SLC19A1: variants seen among roughly 807,000 people sequenced by gnomAD.
The protein encoded by SLC19A1 is solute carrier family 19 member 1, also known as reduced folate transporter.
A neutral mutation model predicts 35.3 loss-of-function variants in SLC19A1; 37 were observed. That is an observed-to-expected ratio of 1.05 (90% CI 0.81 to 1.38). The LOEUF (loss-of-function observed/expected upper bound fraction) is 1.38. SLC19A1 is among the 40% of genes most tolerant of loss of function. SLC19A1 has a pLI of 0.00. For synonymous variants in SLC19A1, 460 were observed against 398.5 expected, an observed-to-expected ratio of 1.15 and a Z score of -1.84; for missense variants, 831 against 826.9, an observed-to-expected ratio of 1.00 and a Z score of -0.06.
chr21:45,525,667 T>C, intron 5 of SLC19A1, 150 bp downstream of exon 5: 1 of 791,290 alleles, frequency 1.3e-6, no homozygotes, highest in Non-Finnish European at 2.0e-6. Context: ...CTGCTCTCGC[T>C]GGCCTGGTGT....
downstream of SLC19A1, among the ~76,000 whole-genome samples, chr21:45,510,785 C>A (rs1172065201): frequency 6.6e-6 from 1 of 152,138 alleles, no homozygotes; most frequent in African/African-American, 2.4e-5. Context: ...GGGCTGGGAG[C>A]AGGCGGCTGT....
chr21:45,510,916 G>T (rs2037538738), downstream of SLC19A1, among the ~76,000 whole-genome samples: 1 of 149,334 alleles, frequency 6.7e-6, no homozygotes, highest in Non-Finnish European at 1.5e-5. Flanking sequence ...CCCAGGGGCT[G>T]CAGAACCCCA....
At chr21:45,518,200 A>G (rs571937369) in intron 5 of SLC19A1, among the ~76,000 whole-genome samples, 5 of 152,340 alleles carry the variant, frequency 3.3e-5, no homozygotes, top group African/African-American at 9.6e-5. Context: ...TAGAACTGAA[A>G]TGTACAATAA....
chr21:45,555,779 G>C (rs919689652), intron 1 of SLC19A1, among the ~76,000 whole-genome samples: 1 of 152,100 alleles, frequency 6.6e-6, no homozygotes, highest in African/African-American at 2.4e-5. Context: ...TTCCGCGCCA[G>C]CCGAGGGGCC....
chr21:45,547,096 ATTGGAAGACAGAAT>A (rs1315944839), upstream of SLC19A1, among the ~76,000 whole-genome samples: 1 of 152,256 alleles, frequency 6.6e-6, no homozygotes, highest in African/African-American at 2.4e-5. Context: ...GCAACAAATA[ATTGGAAGACAGAAT>A]TTGAAAAACA....
At position 45,513,681 on chromosome 21, in the gene SLC19A1, C is replaced by T. The variant is rs2037740219; in HGVS notation, c.*1977G>A. The stretch of plus-strand genomic sequence containing the variant: ...TTCTGTAATTGTGTGTGATGTGAAG[C>T]CAATTCAGACAGGCAAATAAAAGTG... On this transcript the variant is annotated 3_prime_UTR_variant, in exon 6 of 6. Coordinates refer to ENST00000311124, the MANE Select transcript of SLC19A1 (RefSeq NM_194255.4). 1 of 152,228 alleles carries T rather than the reference C, an allele frequency of 6.6e-6. No homozygotes were observed. The highest frequency in any genetic ancestry group is 6.5e-5 in the Admixed American group (1 of 15,288). The allele number at this position is 152,228 out of a possible 1,614,324, so 9.4% of individuals were successfully genotyped here. A position where few individuals can be genotyped will look rare whatever the true frequency, so the allele number is the denominator to read the frequency against.
intron 3 of SLC19A1, chr21:45,505,953 T>C: frequency 6.2e-7 from 1 of 1,613,196 alleles, no homozygotes. Flanking sequence ...CAGAACGGGT[T>C]CCGGAAGGTC....
downstream of SLC19A1, chr21:45,510,237 A>G (rs1203615162): frequency 6.2e-7 from 1 of 1,606,304 alleles, no homozygotes; most frequent in East Asian, 2.3e-5. Flanking sequence ...CCGACCGCGC[A>G]GCCGTGCCCA....
intron 5 of SLC19A1, 120 bp downstream of exon 5, chr21:45,525,697 G>GCCCGCACCCTGTGCCCCCAGC: frequency 8.7e-7 from 1 of 1,152,664 alleles, no homozygotes; most frequent in Non-Finnish European, 1.2e-6. Flanking sequence ...GAAGCCCCAG[G>GCCCGCACCCTGTGCCCCCAGC]CCCGCACCCT....
rs8131673 is a variant in SLC19A1 at position 45,562,195 on chromosome 21, C to T, written c.-50+547G>A. 7.1e-3 allele frequency among the ~76,000 whole-genome samples: 1,065 copies of T among 150,328 alleles called. 8 individuals are homozygous for T. Among genetic ancestry groups the T allele is most frequent in the African/African-American group, 0.024 (990 of 40,950 alleles). ...TAACTCCAAAGGGTTTCCTTTTAAT[C>T]TTAAGACAGTTATCAGTCAGAGAGC... On this transcript the variant is annotated intron_variant, in intron 1 of 5. Coordinates refer to the SLC19A1 transcript ENST00000650808.
intron 5 of SLC19A1, among the ~76,000 whole-genome samples, chr21:45,522,676 G>A (rs996253445): frequency 1.3e-5 from 2 of 152,224 alleles, no homozygotes; most frequent in Non-Finnish European, 2.9e-5. Flanking sequence ...CACAGCCACA[G>A]TAACAACATG....
downstream of SLC19A1, chr21:45,511,068 AC>A (rs754373124): frequency 2.6e-6 from 2 of 768,288 alleles, no homozygotes; most frequent in Admixed American, 2.7e-5. Flanking sequence ...ACCCATCCAC[AC>A]CCCCACACAC....
intron 2 of SLC19A1, among the ~76,000 whole-genome samples, chr21:45,537,156 C>G (rs1239023777): frequency 6.6e-6 from 1 of 152,176 alleles, no homozygotes. Context: ...GGCCGATGAG[C>G]ACGGCCTGGC....
At chr21:45,553,576 T>C (rs1234775679) in intron 1 of SLC19A1, among the ~76,000 whole-genome samples, 1 of 150,414 alleles carries the variant, frequency 6.6e-6, no homozygotes, top group Non-Finnish European at 1.5e-5. Context: ...CAGAACTCTT[T>C]CGTCCTGCAA....
chr21:45,552,383 C>T (rs928959567), intron 1 of SLC19A1, among the ~76,000 whole-genome samples: 6 of 152,102 alleles, frequency 3.9e-5, no homozygotes, highest in Non-Finnish European at 8.8e-5. Context: ...CAGGGAGACC[C>T]ACAGGCTGTG....
At chr21:45,509,725 G>A (rs758130120), downstream of SLC19A1, 261 of 728,034 alleles carry the variant, frequency 3.6e-4, no homozygotes, top group Middle Eastern at 7.1e-4. Flanking sequence ...GGGGTCTGGC[G>A]GCTCAGGGCC....
chr21:45,548,631 C>G (rs538410457), upstream of SLC19A1, among the ~76,000 whole-genome samples: 1,061 of 152,190 alleles, frequency 7.0e-3, 7 homozygotes, highest in African/African-American at 0.024. Context: ...GTAGTCCCAG[C>G]TACTCAGGAG....
At chr21:45,562,348 G>C (rs1479370353) in intron 1 of SLC19A1, among the ~76,000 whole-genome samples, 2 of 152,106 alleles carry the variant, frequency 1.3e-5, no homozygotes, top group Non-Finnish European at 2.9e-5. Flanking sequence ...AAGCCCCAGT[G>C]ACTACGGAAC....
rs73370869 is a variant in SLC19A1, at chr21:45,506,053, C to T, written c.498-7441G>A. The T allele has an allele frequency of 2.8e-3, 4,448 of 1,599,170 alleles. 134 individuals are homozygous for T. The African/African-American group carries it at 0.054, about 19-fold the overall frequency. ...TAAGGAAGGCGAGAGGCTCAGGCCC[C>T]GGACAGGGATGGGAGCAGGTGGCAG... On this transcript the variant is annotated intron_variant, in intron 3 of 4. Transcript: ENST00000417954.
Sources: allele counts gnomAD v4.1 joint callset (sites outside exome capture counted in the v4.1 genomes callset), GRCh38; gene constraint gnomAD v4.1.1; transcripts MANE v1.5; gene names NCBI Gene and HGNC (gene_info 2026-07-23, HGNC 2026-07-21).